The following USP32 variants were observed in gnomAD, a reference collection of about 807,000 sequenced individuals.
USP32 encodes the protein ubiquitin carboxyl-terminal hydrolase 32.
A neutral mutation model predicts 204.8 loss-of-function variants in USP32; 59 were observed. The observed-to-expected ratio is 0.29, with a 90% CI of 0.23 to 0.36. USP32 has a LOEUF of 0.36. Among genes scored for constraint, USP32 ranks in the 10% least tolerant of loss-of-function variants. The probability of loss-of-function intolerance (pLI) is 1.00; values close to 1 mark genes in which losing one functional copy is unlikely to be tolerated. For synonymous variants in USP32, 517 were observed against 678.4 expected (o/e 0.76, Z 3.70); for missense variants, 1,160 against 1,946.4 (o/e 0.60, Z 7.60).
intron 28 of USP32, 60 bp from the exon 29 acceptor site, chr17:60,190,743 T>C: frequency 6.4e-7 from 1 of 1,562,732 alleles, no homozygotes; most frequent in Non-Finnish European, 8.6e-7. Context: ...CTAAATTTTC[T>C]TAATAAAAAA....
intron 3 of USP32, among the ~76,000 whole-genome samples, chr17:60,297,517 C>T (rs1460330690): frequency 1.3e-5 from 2 of 151,450 alleles, no homozygotes; most frequent in South Asian, 2.1e-4. Flanking sequence ...GGCGCAATCT[C>T]GGCTCACTGC....
At chr17:60,252,464 C>A in intron 10 of USP32, 22 bp from the exon 11 acceptor site, 2 of 1,589,266 alleles carry the variant, frequency 1.3e-6, no homozygotes, top group South Asian at 2.3e-5. Context: ...AATGGTAAAT[C>A]AAAGTTTATT....
chr17:60,327,350 G>A (rs1212028009), intron 2 of USP32, among the ~76,000 whole-genome samples: 1 of 150,704 alleles, frequency 6.6e-6, no homozygotes, highest in Non-Finnish European at 1.5e-5. Context: ...GTGGCAGTGG[G>A]TCCCCTGTGC....
chr17:60,341,354 G>A (rs1444098706), intron 2 of USP32, among the ~76,000 whole-genome samples: 1 of 151,894 alleles, frequency 6.6e-6, no homozygotes, highest in South Asian at 2.1e-4. Context: ...AGGAGCTCTT[G>A]TAAGGCAGGC....
At chr17:60,348,338 AG>A (rs1383307546) in intron 1 of USP32, among the ~76,000 whole-genome samples, 1 of 152,150 alleles carries the variant, frequency 6.6e-6, no homozygotes, top group Non-Finnish European at 1.5e-5. Context: ...TGTTTCCAAG[AG>A]GAAGGAAACA....
intron 1 of USP32, among the ~76,000 whole-genome samples, chr17:60,352,353 G>A (rs539478203): frequency 2.0e-5 from 3 of 152,218 alleles, no homozygotes; most frequent in African/African-American, 4.8e-5. Flanking sequence ...TTGAGTGAAC[G>A]TCAAAGTTAT....
intron 2 of USP32, among the ~76,000 whole-genome samples, chr17:60,336,342 T>G (rs1157087518): frequency 7.0e-6 from 1 of 143,112 alleles, no homozygotes; most frequent in Non-Finnish European, 1.5e-5. Flanking sequence ...TTCATATATG[T>G]TTACCAGAAG....
intron 26 of USP32, among the ~76,000 whole-genome samples, chr17:60,201,135 G>C: frequency 6.6e-6 from 1 of 152,150 alleles, no homozygotes; most frequent in Non-Finnish European, 1.5e-5. Context: ...TGAGATTACA[G>C]GTGTGAGCCA....
At chr17:60,248,836 G>A (rs2086099823) in intron 11 of USP32, among the ~76,000 whole-genome samples, 2 of 152,012 alleles carry the variant, frequency 1.3e-5, no homozygotes, top group Admixed American at 1.3e-4. Flanking sequence ...ACTATTCTTT[G>A]TTTTTTCCTC....
intron 27 of USP32, 65 bp from the exon 28 acceptor site, chr17:60,192,995 A>G (rs2145416034): frequency 2.6e-6 from 4 of 1,555,898 alleles, no homozygotes; most frequent in Non-Finnish European, 3.5e-6. Context: ...ACTCCTCTTC[A>G]TCTTCTCTTG....
chr17:60,343,239 TCAACGAGACAGAA>T (rs971949931), intron 2 of USP32, among the ~76,000 whole-genome samples: 7 of 152,058 alleles, frequency 4.6e-5, no homozygotes, highest in Non-Finnish European at 1.0e-4. Flanking sequence ...ATTAGACAGA[TCAACGAGACAGAA>T]GGTTAACAAG....
chr17:60,266,747 C>G (rs2086602782), intron 7 of USP32, among the ~76,000 whole-genome samples: 1 of 151,926 alleles, frequency 6.6e-6, no homozygotes, highest in South Asian at 2.1e-4. Context: ...CCTCTGCCTC[C>G]CGGGTTCAAG....
At chr17:60,194,323 C>A (rs1357102565) in intron 27 of USP32, among the ~76,000 whole-genome samples, 2 of 152,166 alleles carry the variant, frequency 1.3e-5, no homozygotes, top group East Asian at 1.9e-4. Flanking sequence ...GGATTACAGG[C>A]GTGAGTCACC....
Position 60,403,020 on chromosome 17 carries a change from G to T in USP32, c.106+19226C>A, listed in dbSNP as rs531260891. Among the ~76,000 whole-genome samples, 559 of 148,810 alleles carry T rather than the reference G, an allele frequency of 3.8e-3. 2 individuals are homozygous for T. Among genetic ancestry groups the T allele is most frequent in the Non-Finnish European group, 5.7e-3 (380 of 66,834 alleles). ...TAGTGGGCGGGTAAGCCGTATCTCT[G>T]TTTTTTTTTTGAGACGGAGTCTCGC... On this transcript the variant is annotated intron_variant, in intron 1 of 3. Coordinates refer to the USP32 transcript ENST00000588898.
chr17:60,202,443 T>TCTCACA (rs1555582936), intron 26 of USP32, among the ~76,000 whole-genome samples: 1 of 140,656 alleles, frequency 7.1e-6, no homozygotes, highest in Non-Finnish European at 1.6e-5. Context: ...GCTTATCAAA[T>TCTCACA]CACACACACA....
chr17:60,379,621 C>A (rs928056299), intron 1 of USP32, among the ~76,000 whole-genome samples: 8 of 152,136 alleles, frequency 5.3e-5, no homozygotes, highest in African/African-American at 1.9e-4. Context: ...ATTCTTCTAA[C>A]ACATAGAGAA....
chr17:60,389,320 T>C (rs2089787373), intron 1 of USP32, among the ~76,000 whole-genome samples: 1 of 152,098 alleles, frequency 6.6e-6, no homozygotes, highest in Non-Finnish European at 1.5e-5. Flanking sequence ...GGCTGGTGGA[T>C]CACCTGTGGT....
intron 9 of USP32, among the ~76,000 whole-genome samples, chr17:60,255,801 C>T (rs147781268): frequency 5.7e-4 from 87 of 152,140 alleles, no homozygotes; most frequent in African/African-American, 1.7e-3. Context: ...ATTTTATCAA[C>T]GCAGTAAGAA....
intron 11 of USP32, 133 bp downstream of exon 11, chr17:60,252,248 A>C: frequency 1.3e-6 from 1 of 758,434 alleles, no homozygotes; most frequent in South Asian, 2.0e-5. Context: ...TACTTTAACA[A>C]AAATATTTCA....
Sources: allele counts gnomAD v4.1 joint callset (sites outside exome capture counted in the v4.1 genomes callset), GRCh38; gene constraint gnomAD v4.1.1; transcripts MANE v1.5; gene names NCBI Gene and HGNC (gene_info 2026-07-23, HGNC 2026-07-21).